The following NCAM2 variants were observed in gnomAD, a reference collection of about 807,000 sequenced individuals.
The protein encoded by NCAM2 is neural cell adhesion molecule 2.
Under a neutral mutation model 98.1 loss-of-function variants are expected in NCAM2, and 30 were observed. The observed-to-expected ratio is 0.31, with a 90% confidence interval of 0.23 to 0.41. The LOEUF (loss-of-function observed/expected upper bound fraction) is 0.41. Ranked by LOEUF, NCAM2 falls within the 10% of genes least tolerant of loss-of-function variation. The pLI, the probability that NCAM2 is intolerant of heterozygous loss-of-function variation, is 1.00. For synonymous variants in NCAM2, 368 were observed against 342.4 expected, an observed-to-expected ratio of 1.07 and a Z score of -0.83; for missense variants, 867 against 1,005.8, an observed-to-expected ratio of 0.86 and a Z score of 1.87.
At chr21:21,268,319 G>C (rs1243248325) in intron 1 of NCAM2, among the ~76,000 whole-genome samples, 4 of 152,184 alleles carry the variant, frequency 2.6e-5, no homozygotes, top group African/African-American at 7.2e-5. Flanking sequence ...TGTGCTGCAT[G>C]TTTGGGTTTT....
At chr21:21,368,119 C>T (rs968170554) in intron 8 of NCAM2, among the ~76,000 whole-genome samples, 42 of 151,382 alleles carry the variant, frequency 2.8e-4, no homozygotes, top group African/African-American at 2.7e-4. Context: ...ATATGAAATA[C>T]GGAATAGACT....
At chr21:21,327,977 A>G (rs1006877408) in intron 6 of NCAM2, among the ~76,000 whole-genome samples, 1 of 152,180 alleles carries the variant, frequency 6.6e-6, no homozygotes, top group African/African-American at 2.4e-5. Flanking sequence ...GTACTTCTAT[A>G]TTGAGAATAC....
chr21:21,240,780 A>T (rs1168323234), intron 1 of NCAM2, among the ~76,000 whole-genome samples: 2 of 152,246 alleles, frequency 1.3e-5, no homozygotes, highest in African/African-American at 4.8e-5. Flanking sequence ...TTCAGGATTT[A>T]TAGTGAATTT....
At chr21:21,093,650 C>T (rs990064764) in intron 1 of NCAM2, among the ~76,000 whole-genome samples, 2 of 151,860 alleles carry the variant, frequency 1.3e-5, no homozygotes, top group South Asian at 4.2e-4. Context: ...GTGATTATAC[C>T]AGATTTTTTC....
At chr21:21,226,360 A>G (rs1352943359) in intron 1 of NCAM2, among the ~76,000 whole-genome samples, 2 of 152,146 alleles carry the variant, frequency 1.3e-5, no homozygotes, top group Non-Finnish European at 2.9e-5. Context: ...AATAGGCAAC[A>G]TAAAGGGAAA....
At position 21,073,813 on chromosome 21, in the gene NCAM2, CAAG is replaced by C. The variant is rs534276099; in HGVS notation, c.55+75198_55+75200del. ...AGGCATTTTAGGTCACATAACATGA[CAAG>C]AAATTCTAATATATGCTCGTTTCCA... On this transcript the variant is annotated intron_variant, in intron 1 of 17. Coordinates refer to ENST00000400546, the MANE Select transcript of NCAM2 (RefSeq NM_004540.5). 1.5e-4 allele frequency among the ~76,000 whole-genome samples: 23 copies of C among 152,272 alleles called. No individual in the cohort carries two copies. In the East Asian group the frequency reaches 4.2e-3, roughly 28 times the overall value.
chr21:21,203,867 T>C (rs1425555425), intron 1 of NCAM2, among the ~76,000 whole-genome samples: 1 of 152,200 alleles, frequency 6.6e-6, no homozygotes, highest in Non-Finnish European at 1.5e-5. Flanking sequence ...ATTTATAACT[T>C]AAGTTTATTA....
chr21:21,062,171 T>G (rs2065336504), intron 1 of NCAM2, among the ~76,000 whole-genome samples: 1 of 152,184 alleles, frequency 6.6e-6, no homozygotes, highest in African/African-American at 2.4e-5. Context: ...GAGGGTTTGT[T>G]TCTGGTTTTA....
At chr21:21,320,069 G>T (rs1286143040) in intron 5 of NCAM2, among the ~76,000 whole-genome samples, 2 of 152,118 alleles carry the variant, frequency 1.3e-5, no homozygotes, top group African/African-American at 2.4e-5. Context: ...GTTCAGATAG[G>T]TTTGATTTTA....
At chr21:21,417,215 A>G (rs1225454486) in intron 10 of NCAM2, among the ~76,000 whole-genome samples, 7 of 152,158 alleles carry the variant, frequency 4.6e-5, no homozygotes, top group Admixed American at 6.5e-5. Context: ...TGCATGTAGA[A>G]TAAGAATTTT....
chr21:21,213,277 T>A (rs1480514089), intron 1 of NCAM2, among the ~76,000 whole-genome samples: 1 of 152,212 alleles, frequency 6.6e-6, no homozygotes, highest in Non-Finnish European at 1.5e-5. Context: ...TGTATTTAAC[T>A]TCTAACGTTA....
chr21:21,477,437 A>T lies in NCAM2; in HGVS notation c.2043A>T (p.Glu681Asp). 6.2e-7 allele frequency: 1 copy of T among 1,605,990 alleles called. No homozygotes were observed. Among genetic ancestry groups the T allele is most frequent in the Non-Finnish European group, 8.5e-7 (1 of 1,174,786 alleles). ...RLGYSEPTVYEFSMPPKPNII... is the reference protein window; with the variant it reads ...RLGYSEPTVYDFSMPPKPNII... The stretch of plus-strand genomic sequence containing the variant: ...GATATTCTGAACCGACAGTTTATGA[A>T]TTCAGCATGCCACCAAAGCCCAACA... Residue 681 changes from glutamate (E) to aspartate (D), a missense_variant, in exon 15 of 18, where the codon GAA becomes GAT. Glu to Asp is a conservative substitution (Grantham distance 45, BLOSUM62 2). This residue lies in a region of NCAM2 where 234 missense variants were observed against 333.8 expected (regional missense o/e 0.70). Coordinates refer to ENST00000400546, the MANE Select transcript of NCAM2 (RefSeq NM_004540.5).
At chr21:21,280,720 T>C in intron 2 of NCAM2, 68 bp downstream of exon 2, 1 of 984,732 alleles carries the variant, frequency 1.0e-6, no homozygotes. Flanking sequence ...ATGTGTTGGC[T>C]AAATTTAACT....
chr21:21,449,439 A>G (rs1003042678), intron 12 of NCAM2, among the ~76,000 whole-genome samples: 7 of 151,934 alleles, frequency 4.6e-5, no homozygotes, highest in East Asian at 1.9e-4. Flanking sequence ...TTAAAATTCA[A>G]TGTACATATG....
At chr21:21,379,775 C>A (rs928948599) in intron 9 of NCAM2, among the ~76,000 whole-genome samples, 1 of 151,836 alleles carries the variant, frequency 6.6e-6, no homozygotes, top group Non-Finnish European at 1.5e-5. Flanking sequence ...GGTATTTGCA[C>A]TCATCAGGAT....
intron 8 of NCAM2, among the ~76,000 whole-genome samples, chr21:21,351,132 A>AAC (rs1555878334): frequency 2.0e-5 from 3 of 150,108 alleles, no homozygotes; most frequent in African/African-American, 7.3e-5. Context: ...AAAAAAAAAA[A>AAC]AAAAAAAAAA....
chr21:21,011,462 A>ATATATTT (rs2064208966), intron 1 of NCAM2, among the ~76,000 whole-genome samples: 4 of 151,986 alleles, frequency 2.6e-5, no homozygotes, highest in African/African-American at 9.7e-5. Context: ...CCTCCCACCC[A>ATATATTT]GCTGTATAAT....
intron 1 of NCAM2, among the ~76,000 whole-genome samples, chr21:21,189,480 C>T (rs1307576556): frequency 6.6e-6 from 1 of 152,086 alleles, no homozygotes; most frequent in Non-Finnish European, 1.5e-5. Flanking sequence ...AATCCTAGCA[C>T]TTTGGGAGGC....
chr21:21,299,642 A>G (rs1335941798), intron 5 of NCAM2, among the ~76,000 whole-genome samples: 2 of 142,450 alleles, frequency 1.4e-5, no homozygotes, highest in Non-Finnish European at 3.1e-5. Flanking sequence ...TATTTGTCTT[A>G]TAAAACTTAG....
Sources: gnomAD v4.1 joint callset for allele counts (sites outside exome capture counted in the v4.1 genomes callset) on GRCh38, gnomAD v4.1.1 for gene constraint, gnomAD v4.1.1 regional missense constraint, MANE v1.5 for transcripts, NCBI Gene and HGNC (gene_info 2026-07-23, HGNC 2026-07-21) for gene names.